The following SLC27A6 variants were observed in gnomAD, a reference collection of about 807,000 sequenced individuals.
SLC27A6 encodes long-chain fatty acid transport protein 6.
SLC27A6 carries 74 observed loss-of-function variants against 63.9 expected under a neutral mutation model. The ratio of observed to expected loss-of-function variants is 1.16; its 90% CI spans 0.96 to 1.40. The LOEUF is 1.40. Among genes scored for constraint, SLC27A6 ranks in the 40% most tolerant of loss-of-function variants. SLC27A6 has a pLI of 0.00. For missense variants in SLC27A6, 794 were observed against 732.9 expected (o/e 1.08, Z -0.96); for synonymous variants, 287 against 260.8 (o/e 1.10, Z -0.97).
chr5:129,006,071 G>GT (rs4068575), intron 4 of SLC27A6, among the ~76,000 whole-genome samples: 3,751 of 59,920 alleles, frequency 0.063, 953 homozygotes, highest in African/African-American at 0.13. Context: ...TGTGCACACT[G>GT]TTTTTTTTTT....
At chr5:129,019,593 G>T (rs1261580555) in intron 5 of SLC27A6, among the ~76,000 whole-genome samples, 1 of 151,446 alleles carries the variant, frequency 6.6e-6, no homozygotes, top group Non-Finnish European at 1.5e-5. Context: ...AAAAATAAGA[G>T]CCCAGAAAAG....
At chr5:128,976,685 G>A (rs1750396835) in intron 1 of SLC27A6, among the ~76,000 whole-genome samples, 1 of 85,722 alleles carries the variant, frequency 1.2e-5, no homozygotes, top group African/African-American at 3.4e-5. Context: ...TACAAACTAT[G>A]CACCATTTCA....
chr5:128,975,075 G>T (rs1190894228), intron 1 of SLC27A6, among the ~76,000 whole-genome samples: 1 of 152,228 alleles, frequency 6.6e-6, no homozygotes. Flanking sequence ...GACGGGCCAG[G>T]CGTGGTGGCT....
At position 129,028,329 on chromosome 5, in the gene SLC27A6, G is replaced by T; in HGVS notation, c.1455-16G>T. 1.3e-6 allele frequency: 2 copies of T among 1,571,036 alleles called. No individual in the cohort carries two copies. The highest frequency in any genetic ancestry group is 2.2e-5 in the South Asian group (2 of 89,604). Reference sequence around the variant, plus strand: ...AATACAGGTGCACTAACTGGAATTTGATTTTTTTCATTTAGATGGAAAGGA... The same window carrying T: ...AATACAGGTGCACTAACTGGAATTTTATTTTTTTCATTTAGATGGAAAGGA... On this transcript the variant is annotated splice_polypyrimidine_tract_variant and intron_variant, in intron 7 of 9. Transcript: ENST00000262462.
At chr5:128,990,607 G>A in intron 4 of SLC27A6, 143 bp downstream of exon 4, 1 of 860,392 alleles carries the variant, frequency 1.2e-6, no homozygotes, top group African/African-American at 1.7e-5. Context: ...AGTGGCAGGT[G>A]CTACCTAGAT....
intron 4 of SLC27A6, among the ~76,000 whole-genome samples, chr5:128,996,924 A>G (rs1751180209): frequency 6.6e-6 from 1 of 152,120 alleles, no homozygotes; most frequent in Non-Finnish European, 1.5e-5. Flanking sequence ...ATAAGCTAAA[A>G]TCTTGGCTTT....
At chr5:128,970,387 C>G (rs1174501476) in intron 1 of SLC27A6, among the ~76,000 whole-genome samples, 1 of 152,124 alleles carries the variant, frequency 6.6e-6, no homozygotes, top group Non-Finnish European at 1.5e-5. Context: ...CCATCTTGTC[C>G]TGCACTTTTT....
intron 5 of SLC27A6, among the ~76,000 whole-genome samples, chr5:129,016,999 C>A (rs559269835): frequency 9.9e-5 from 15 of 152,182 alleles, no homozygotes; most frequent in African/African-American, 3.4e-4. Context: ...TTTAAGAATG[C>A]AGGCAAAAAT....
intron 7 of SLC27A6, among the ~76,000 whole-genome samples, chr5:129,028,094 A>G (rs1479444613): frequency 2.0e-5 from 3 of 152,044 alleles, no homozygotes; most frequent in African/African-American, 4.8e-5. Flanking sequence ...TTTTATTTTT[A>G]TGTATATTAT....
intron 6 of SLC27A6, 42 bp downstream of exon 6, chr5:129,023,752 T>C: frequency 7.2e-7 from 1 of 1,387,966 alleles, no homozygotes; most frequent in Non-Finnish European, 1.0e-6. Context: ...GCAAAGTTTC[T>C]GATCTCCTGT....
At chr5:128,974,341 A>G (rs1175824306) in intron 1 of SLC27A6, among the ~76,000 whole-genome samples, 4 of 152,210 alleles carry the variant, frequency 2.6e-5, no homozygotes, top group Non-Finnish European at 5.9e-5. Context: ...TTAAGCCAAG[A>G]CTATTTAGTT....
intron 1 of SLC27A6, among the ~76,000 whole-genome samples, chr5:128,974,556 T>G (rs984548535): frequency 2.6e-5 from 4 of 152,246 alleles, no homozygotes; most frequent in Non-Finnish European, 4.4e-5. Context: ...GTGAACAATA[T>G]AAACATACTC....
At position 129,027,114 on chromosome 5, in the gene SLC27A6, A is replaced by G. The variant is rs771660017; in HGVS notation, c.1256-19A>G. On this transcript the variant is annotated intron_variant, in intron 6 of 9. Coordinates refer to ENST00000262462, the MANE Select transcript of SLC27A6 (RefSeq NM_001017372.3). ...TAGTTTTAATCAGATGGCTGCAAAA[A>G]TGTCGTTCTTTCTTGCAGGAGAACC... The G allele has an allele frequency of 1.2e-6, 2 of 1,606,718 alleles. No homozygotes were observed. Among genetic ancestry groups the G allele is most frequent in the Non-Finnish European group, 1.7e-6 (2 of 1,173,810 alleles).
intron 2 of SLC27A6, among the ~76,000 whole-genome samples, chr5:128,987,430 A>G (rs887032265): frequency 6.6e-6 from 1 of 152,176 alleles, no homozygotes; most frequent in Non-Finnish European, 1.5e-5. Context: ...ACTGATAGTC[A>G]GTAGTCTCCA....
intron 4 of SLC27A6, among the ~76,000 whole-genome samples, chr5:129,000,130 C>T (rs181937618): frequency 2.6e-5 from 4 of 152,188 alleles, no homozygotes; most frequent in African/African-American, 4.8e-5. Flanking sequence ...GATAGTGGTG[C>T]GGTGTGAAAG....
Position 128,988,605 on chromosome 5 carries a change from C to T in SLC27A6, c.691C>T (p.Pro231Ser), listed in dbSNP as rs780791905. Residue 231 changes from proline (P) to serine (S), a missense_variant, in exon 3 of 10, where the codon CCA becomes TCA. By Grantham distance (74) the Pro-to-Ser change is moderately conservative. Coordinates refer to ENST00000262462, the MANE Select transcript of SLC27A6 (RefSeq NM_001017372.3). ...YIFTSGTTGL[P>S]KAAVISQLQV... Reference sequence around the variant, plus strand: ...GTTCTTTTCTTTTCTTCCAGGTCTACCAAAAGCAGCTGTGATTAGTCAGCT... The same window carrying T: ...GTTCTTTTCTTTTCTTCCAGGTCTATCAAAAGCAGCTGTGATTAGTCAGCT... 6.2e-7 allele frequency: 1 copy of T among 1,613,680 alleles called. No homozygotes were observed. Among genetic ancestry groups the T allele is most frequent in the East Asian group, 2.2e-5 (1 of 44,852 alleles).
intron 1 of SLC27A6, among the ~76,000 whole-genome samples, chr5:128,968,938 G>A (rs978037727): frequency 5.3e-5 from 8 of 152,176 alleles, no homozygotes; most frequent in Admixed American, 2.6e-4. Context: ...ATTAAATTTT[G>A]TATAAGGTGT....
At chr5:129,002,717 A>G (rs1355614685) in intron 4 of SLC27A6, among the ~76,000 whole-genome samples, 1 of 152,228 alleles carries the variant, frequency 6.6e-6, no homozygotes, top group African/African-American at 2.4e-5. Context: ...AATGAGTTCA[A>G]ATTATCTCTG....
chr5:128,973,063 T>A (rs1231596368), intron 1 of SLC27A6, among the ~76,000 whole-genome samples: 3 of 152,192 alleles, frequency 2.0e-5, no homozygotes, highest in Non-Finnish European at 4.4e-5. Context: ...GGAGGTCCAC[T>A]CCAGACCCCG....
Sources: gnomAD v4.1 joint callset for allele counts (sites outside exome capture counted in the v4.1 genomes callset) on GRCh38, gnomAD v4.1.1 for gene constraint, MANE v1.5 for transcripts, NCBI Gene and HGNC (gene_info 2026-07-23, HGNC 2026-07-21) for gene names.